The following SLC12A9 variants were observed in gnomAD, a reference collection of about 807,000 sequenced individuals.
The protein encoded by SLC12A9 is solute carrier family 12 member 9.
A neutral mutation model predicts 66.0 loss-of-function variants in SLC12A9; 55 were observed. The ratio of observed to expected loss-of-function variants is 0.83; its 90% CI spans 0.67 to 1.04. SLC12A9 has a LOEUF of 1.04. Ranked by LOEUF, SLC12A9 falls within the 50% of genes least tolerant of loss-of-function variation. SLC12A9 has a pLI of 0.00. For missense variants in SLC12A9, 1,061 were observed against 1,241.9 expected, an observed-to-expected ratio of 0.85 and a Z score of 2.19; for synonymous variants, 577 against 569.0, an observed-to-expected ratio of 1.01 and a Z score of -0.20.
rs746963841 is a variant in SLC12A9 at position 100,854,292 on chromosome 7, C to T, written c.95C>T (p.Ala32Val). The T allele has an allele frequency of 2.2e-5, 35 of 1,600,316 alleles. No individual in the cohort carries two copies. Among genetic ancestry groups the T allele is most frequent in the Non-Finnish European group, 2.6e-5 (31 of 1,176,480 alleles). ...PANGAGGPGGASARKLSTFLG... is the reference protein window; with the variant it reads ...PANGAGGPGGVSARKLSTFLG... ...AATGGGGCCGGGGGTCCTGGAGGGG[C>T]GTCTGCCCGGAAGCTGTCCACCTTC... The change falls in exon 2 of 14, where the codon GCG becomes GTG. Residue 32 changes from alanine (A) to valine (V), a missense_variant. Coordinates refer to ENST00000354161, the MANE Select transcript of SLC12A9 (RefSeq NM_020246.4).
chr7:100,856,622 C>A, intron 4 of SLC12A9: 1 of 477,690 alleles, frequency 2.1e-6, no homozygotes, highest in Non-Finnish European at 3.7e-6. Flanking sequence ...TCATGCGATT[C>A]TCCCACCTCA....
intron 1 of SLC12A9, among the ~76,000 whole-genome samples, chr7:100,832,124 T>C (rs1423831705): frequency 6.6e-6 from 1 of 152,040 alleles, no homozygotes; most frequent in East Asian, 1.9e-4. Context: ...CACTTGAACT[T>C]GGGAGGCGGA....
rs540781138 is a variant in SLC12A9, at chr7:100,844,270, C to T, written n.229-15615C>T. ...CTTGTTTGTATAATGTTATTCTGTA[C>T]AAGGTATGTAGCCCAGGAAATGACC... On this transcript the variant is annotated intron_variant and non_coding_transcript_variant, in intron 1 of 1. Transcript: ENST00000461016. Among the ~76,000 whole-genome samples the T allele has an allele frequency of 3.9e-5, 6 of 152,196 alleles. No individual in the cohort carries two copies. The South Asian group carries it at 1.2e-3, about 32-fold the overall frequency.
chr7:100,859,049 G>T lies in SLC12A9; in HGVS notation c.866-1G>T. ...TCACTCCCTCTGCTCCCCCTCTCCA[G>T]GGGAGCTGAAGGACCCCAGCCGGGC... On this transcript the variant is annotated splice_acceptor_variant, in intron 6 of 13. Transcript: ENST00000354161. LOFTEE classifies it high-confidence loss of function. 6.2e-7 allele frequency: 1 copy of T among 1,613,340 alleles called. No individual in the cohort carries two copies. The highest frequency in any genetic ancestry group is 8.5e-7 in the Non-Finnish European group (1 of 1,179,978).
At chr7:100,848,888 A>G (rs937576885), upstream of SLC12A9, among the ~76,000 whole-genome samples, 23 of 144,950 alleles carry the variant, frequency 1.6e-4, no homozygotes, top group Admixed American at 1.2e-3. Flanking sequence ...TCCATCTCAA[A>G]AAAAAGGAAA....
rs768978650 is a variant in SLC12A9, at chr7:100,866,117, A to G, written c.2257A>G (p.Thr753Ala). The G allele has an allele frequency of 6.2e-7, 1 of 1,612,912 alleles. No individual in the cohort carries two copies. Among genetic ancestry groups the G allele is most frequent in the Non-Finnish European group, 8.5e-7 (1 of 1,179,834 alleles). The change falls in exon 14 of 14, where the codon ACC becomes GCC. Residue 753 changes from threonine (T) to alanine (A), a missense_variant. Transcript: ENST00000354161. The surrounding 1 kb of genome is among the most constrained non-coding windows in gnomAD (Gnocchi z 7.3). Reference sequence around the variant, plus strand: ...CGGCCTCTTCCTGCTGCAGATGGCAACCATCTTGGGCATGGTGCCCGCTTG... The same window carrying G: ...CGGCCTCTTCCTGCTGCAGATGGCAGCCATCTTGGGCATGGTGCCCGCTTG... Reference protein sequence around the residue: ...VCGLFLLQMATILGMVPAWHS... With the variant: ...VCGLFLLQMAAILGMVPAWHS...
chr7:100,864,179 A>G (rs1286314653), intron 13 of SLC12A9, among the ~76,000 whole-genome samples: 2 of 150,398 alleles, frequency 1.3e-5, no homozygotes, highest in Admixed American at 6.7e-5. Context: ...CCCGGGTTCA[A>G]GTATTCTCCC....
At chr7:100,835,649 C>CAA (rs1322527164) in intron 1 of SLC12A9, among the ~76,000 whole-genome samples, 2 of 138,328 alleles carry the variant, frequency 1.4e-5, no homozygotes, top group African/African-American at 2.6e-5. Context: ...GACTCCGTCT[C>CAA]AAAAAAAAAA....
Position 100,861,622 on chromosome 7 carries a change from T to C in SLC12A9, c.1536+38T>C. On this transcript the variant is annotated intron_variant, in intron 11 of 13. Coordinates refer to ENST00000354161, the MANE Select transcript of SLC12A9 (RefSeq NM_020246.4). The surrounding 1 kb of genome is among the most constrained non-coding windows in gnomAD (Gnocchi z 5.3). Reference sequence around the variant, plus strand: ...GGTGGGGCGGTGGGGAAATGGGAGGTGGTCAAAGAACCCCCTCTCTCTTTG... The same window carrying C: ...GGTGGGGCGGTGGGGAAATGGGAGGCGGTCAAAGAACCCCCTCTCTCTTTG... 6.2e-7 allele frequency: 1 copy of C among 1,606,200 alleles called. No individual in the cohort carries two copies. Among genetic ancestry groups the C allele is most frequent in the Non-Finnish European group, 8.5e-7 (1 of 1,175,038 alleles).
chr7:100,858,083 C>T (rs939314302), intron 5 of SLC12A9: 1 of 151,582 alleles, frequency 6.6e-6, no homozygotes, highest in Non-Finnish European at 1.5e-5. Flanking sequence ...CACCACTGCC[C>T]TCCAGCCTGG....
chr7:100,844,317 C>T (rs1033381546), intron 1 of SLC12A9, among the ~76,000 whole-genome samples: 1 of 152,066 alleles, frequency 6.6e-6, no homozygotes. Flanking sequence ...CGTTATGACC[C>T]ACCTGAGCCT....
rs572803666 is a variant in SLC12A9, at chr7:100,836,381, C to CG, written n.228+9337dup. Among the ~76,000 whole-genome samples the CG allele has an allele frequency of 1.6e-4, 25 of 152,150 alleles. No homozygotes were observed. The South Asian group carries it at 5.2e-3, about 32-fold the overall frequency. ...CAGGTCGGGCCAGGGGAAGGTAGGC[C>CG]GGGCCCCAGAGGAGATGACGCAGGG... On this transcript the variant is annotated intron_variant and non_coding_transcript_variant, in intron 1 of 1. Coordinates refer to the SLC12A9 transcript ENST00000461016.
chr7:100,827,505 G>GCTGAGCTGCGCTGGAA (rs1813445530), intron 1 of SLC12A9: 1 of 151,794 alleles, frequency 6.6e-6, no homozygotes, highest in Non-Finnish European at 1.5e-5. Context: ...CCGGGCAGGG[G>GCTGAGCTGCGCTGGAA]CTGAGCTGCG....
In SLC12A9 at chr7:100,860,076, C is replaced by A. The variant is rs367848824; in HGVS notation, c.1135+34C>A. 14 of 1,614,152 alleles carry A rather than the reference C, an allele frequency of 8.7e-6. 1 individual carries two copies. In the East Asian group the frequency reaches 1.1e-4, roughly 13 times the overall value. On this transcript the variant is annotated intron_variant, in intron 8 of 13. Transcript: ENST00000354161. ...TCTGCCTCCTTGCTGGCTTGGAGCA[C>A]GCCCTCCCTTGTCTGTCTCTCCGTC...
chr7:100,854,275 CG>C lies in SLC12A9; in HGVS notation c.83del (p.Gly28ValfsTer27). ...GGGTTGCCCTCCCTGCCAATGGGGCCGGGGGTCCTGGAGGGGCGTCTGCCCG... is the reference window on the plus strand; with the variant it reads ...GGGTTGCCCTCCCTGCCAATGGGGCCGGGGTCCTGGAGGGGCGTCTGCCCG... ...EGVALPANGA[G>X]GPGGASARKL... On this transcript the variant is annotated frameshift_variant, in exon 2 of 14. Coordinates refer to ENST00000354161, the MANE Select transcript of SLC12A9 (RefSeq NM_020246.4). LOFTEE classifies it high-confidence loss of function. The C allele has an allele frequency of 1.3e-6, 2 of 1,594,372 alleles. No homozygotes were observed. Among genetic ancestry groups the C allele is most frequent in the South Asian group, 1.1e-5 (1 of 87,812 alleles).
chr7:100,843,885 C>G lies in SLC12A9; in HGVS notation n.229-16000C>G, dbSNP rs1397196517. Among the ~76,000 whole-genome samples, 6 of 152,282 alleles carry G rather than the reference C, an allele frequency of 3.9e-5. No homozygotes were observed. In the South Asian group the frequency reaches 1.0e-3, roughly 26 times the overall value. On this transcript the variant is annotated intron_variant and non_coding_transcript_variant, in intron 1 of 1. Coordinates refer to the SLC12A9 transcript ENST00000461016. Reference sequence around the variant, plus strand: ...AACATAACTGTATAGGGGTGTTAGACTCAGTTTATCCTAGCAGGCCCAACC... The same window carrying G: ...AACATAACTGTATAGGGGTGTTAGAGTCAGTTTATCCTAGCAGGCCCAACC...
intron 2 of SLC12A9, 99 bp from the exon 3 acceptor site, chr7:100,854,521 G>A (rs1814267541): frequency 6.3e-7 from 1 of 1,597,510 alleles, no homozygotes; most frequent in African/African-American, 1.3e-5. Flanking sequence ...GGCTCTCTGT[G>A]GGCTTGCATT....
intron 9 of SLC12A9, chr7:100,860,647 G>T (rs1814690558): frequency 8.2e-6 from 3 of 365,536 alleles, no homozygotes; most frequent in Non-Finnish European, 1.6e-5. Flanking sequence ...CACTCTGTGG[G>T]AGTGCATTGG....
intron 1 of SLC12A9, among the ~76,000 whole-genome samples, chr7:100,846,756 T>C (rs1336207532): frequency 6.6e-6 from 1 of 152,118 alleles, no homozygotes; most frequent in East Asian, 1.9e-4. Flanking sequence ...TATTGTCTTA[T>C]GCCCAATTTC....
Sources: gnomAD v4.1 joint callset for allele counts (sites outside exome capture counted in the v4.1 genomes callset) on GRCh38, gnomAD v4.1.1 for gene constraint, Gnocchi (gnomAD v3.1) non-coding constraint, MANE v1.5 for transcripts, NCBI Gene and HGNC (gene_info 2026-07-23, HGNC 2026-07-21) for gene names.